Variants in HSPA1L observed in about 807,000 individuals in gnomAD.
HSPA1L encodes the protein heat shock 70 kDa protein 1-like.
In HSPA1L, 21 loss-of-function variants were observed where a neutral mutation model predicts 31.5. The observed-to-expected ratio is 0.67, with a 90% CI of 0.47 to 0.96. HSPA1L has a LOEUF of 0.96. Ranked by LOEUF, HSPA1L falls within the 40% of genes least tolerant of loss-of-function variation. HSPA1L has a pLI of 0.00. For synonymous variants in HSPA1L, 293 were observed against 323.1 expected, an observed-to-expected ratio of 0.91 and a Z score of 1.00; for missense variants, 709 against 813.4, an observed-to-expected ratio of 0.87 and a Z score of 1.56.
rs1238711860 is a variant in HSPA1L at position 31,811,700 on chromosome 6, A to C, written c.273T>G (p.Leu91=). The change falls in exon 2 of 2, where the codon CTT becomes CTG. Residue 91 remains leucine, a synonymous_variant. Coordinates refer to ENST00000375654, the MANE Select transcript of HSPA1L (RefSeq NM_005527.4). ...CTTCATTAATCACTTGAAAAGGCCA[A>C]AGTTTCATATCTGCTTGTACAACAG... The part of the protein sequence containing the change: ...NDPVVQADMK[L]WPFQVINEGG... 4 of 1,614,000 alleles carry C rather than the reference A, an allele frequency of 2.5e-6. No homozygotes were observed. Among genetic ancestry groups the C allele is most frequent in the African/African-American group, 2.7e-5 (2 of 74,902 alleles).
Position 31,810,188 on chromosome 6 carries a change from A to C in HSPA1L, c.1785T>G (p.Asp595Glu). Residue 595 changes from aspartate (D) to glutamate (E), a missense_variant, in exon 2 of 2, where the codon GAT (aspartate) becomes GAG (glutamate). Asp to Glu is a conservative substitution (Grantham distance 45, BLOSUM62 2). Coordinates refer to ENST00000375654, the MANE Select transcript of HSPA1L (RefSeq NM_005527.4). ...VNQLAEKDEF[D>E]HKRKELEQMC... ...TCTGCTCCAATTCCTTTCTCTTATG[A>C]TCAAACTCATCTTTCTCTGCCAGTT... The C allele has an allele frequency of 6.5e-7, 1 of 1,528,668 alleles. No individual in the cohort carries two copies. Among genetic ancestry groups the C allele is most frequent in the Non-Finnish European group, 8.7e-7 (1 of 1,143,124 alleles). The allele number at this position is 1,528,668 out of a possible 1,614,324, so 94.7% of individuals were successfully genotyped here. A position where few individuals can be genotyped will look rare whatever the true frequency, so the allele number is the denominator to read the frequency against.
rs954988153 is a variant in HSPA1L at position 31,809,789 on chromosome 6, A to G, written c.*258T>C. ...AATAAGCATCCACACAGGAAGAAGA[A>G]TGTTAGGGTGGCTGGAAATAACAGA... On this transcript the variant is annotated 3_prime_UTR_variant, in exon 2 of 2. Coordinates refer to ENST00000375654, the MANE Select transcript of HSPA1L (RefSeq NM_005527.4). The G allele has an allele frequency of 5.2e-6, 2 of 386,938 alleles. No individual in the cohort carries two copies. The highest frequency in any genetic ancestry group is 2.1e-5 in the African/African-American group (1 of 48,474). The allele number at this position is 386,938 out of a possible 1,614,324, so 24.0% of individuals were successfully genotyped here.
chr6:31,811,567 A>G lies in HSPA1L; in HGVS notation c.406T>C (p.Phe136Leu). ...GCATTGGTGACAGGGTGGCCCAAAAAGGCCTCAGCAGTCTCCTTCAACTTA... is the reference window on the plus strand; with the variant it reads ...GCATTGGTGACAGGGTGGCCCAAAAGGGCCTCAGCAGTCTCCTTCAACTTA... Reference protein sequence around the residue: ...LTKLKETAEAFLGHPVTNAVI... With the variant: ...LTKLKETAEALLGHPVTNAVI... Residue 136 changes from phenylalanine (F) to leucine (L), a missense_variant, in exon 2 of 2, where the codon TTT becomes CTT. Phe to Leu is a conservative substitution (Grantham distance 22). Coordinates refer to ENST00000375654, the MANE Select transcript of HSPA1L (RefSeq NM_005527.4). 1 of 1,614,176 alleles carries G rather than the reference A, an allele frequency of 6.2e-7. No individual in the cohort carries two copies. The highest frequency in any genetic ancestry group is 8.5e-7 in the Non-Finnish European group (1 of 1,180,016).
intron 1 of HSPA1L, among the ~76,000 whole-genome samples, chr6:31,812,411 G>C (rs576246338): frequency 6.6e-6 from 1 of 152,094 alleles, no homozygotes; most frequent in African/African-American, 2.4e-5. Flanking sequence ...GACCTCAGGT[G>C]ATCCGCCCGC....
Position 31,814,954 on chromosome 6 carries a change from G to C in HSPA1L, c.-79C>G. 1 of 985,574 alleles carries C rather than the reference G, an allele frequency of 1.0e-6. No homozygotes were observed. Among genetic ancestry groups the C allele is most frequent in the Non-Finnish European group, 1.2e-6 (1 of 830,126 alleles). The allele number at this position is 985,574 out of a possible 1,614,324, so 61.1% of individuals were successfully genotyped here. ...GATTACGCAGCCCCAGCGAGTAGGT[G>C]GGGGCTCCCTCAATATCAAACTGCA... On this transcript the variant is annotated 5_prime_UTR_variant, in exon 1 of 2. Transcript: ENST00000375654.
At position 31,810,192 on chromosome 6, in the gene HSPA1L, A is replaced by G. The variant is rs1338315015; in HGVS notation, c.1781T>C (p.Phe594Ser). The change falls in exon 2 of 2, where the codon TTT (phenylalanine) becomes TCT (serine). Residue 594 changes from phenylalanine to serine, a missense_variant. Phe to Ser is a radical substitution (Grantham distance 155). Coordinates refer to ENST00000375654, the MANE Select transcript of HSPA1L (RefSeq NM_005527.4). ...CTCCAATTCCTTTCTCTTATGATCAAACTCATCTTTCTCTGCCAGTTGATT... is the reference window on the plus strand; with the variant it reads ...CTCCAATTCCTTTCTCTTATGATCAGACTCATCTTTCTCTGCCAGTTGATT... ...EVNQLAEKDEFDHKRKELEQM... is the reference protein window; with the variant it reads ...EVNQLAEKDESDHKRKELEQM... 3.9e-6 allele frequency: 6 copies of G among 1,528,428 alleles called. No homozygotes were observed. In the South Asian group the frequency reaches 5.3e-5, roughly 14 times the overall value. 94.7% of individuals were successfully genotyped at this position (1,528,428 alleles called of 1,614,324 possible).
chr6:31,810,550 G>A lies in HSPA1L; in HGVS notation c.1423C>T (p.Gln475Ter). ...TCAATGTCAAACGTCACCTCGATCTGAGGAACTCCCCTGGGTGCTGGAGGG... is the reference window on the plus strand; with the variant it reads ...TCAATGTCAAACGTCACCTCGATCTAAGGAACTCCCCTGGGTGCTGGAGGG... Reference protein sequence around the residue: ...GIPPAPRGVPQIEVTFDIDAN... With the variant: ...GIPPAPRGVP Residue 475 changes from glutamine to a stop codon, truncating the protein, a stop_gained, in exon 2 of 2, where the codon CAG becomes TAG. Transcript: ENST00000375654. LOFTEE classifies it high-confidence loss of function. The A allele has an allele frequency of 6.2e-7, 1 of 1,613,418 alleles. No homozygotes were observed. The highest frequency in any genetic ancestry group is 1.7e-5 in the Admixed American group (1 of 59,998).
Position 31,811,548 on chromosome 6 carries a change from G to A in HSPA1L, c.425C>T (p.Thr142Ile), listed in dbSNP as rs1815420090. The A allele has an allele frequency of 6.2e-7, 1 of 1,614,040 alleles. No individual in the cohort carries two copies. Among genetic ancestry groups the A allele is most frequent in the South Asian group, 1.1e-5 (1 of 91,092 alleles). Reference sequence around the variant, plus strand: ...GGCTGGCACGGTAATCACTGCATTGGTGACAGGGTGGCCCAAAAAGGCCTC... The same window carrying A: ...GGCTGGCACGGTAATCACTGCATTGATGACAGGGTGGCCCAAAAAGGCCTC... ...TAEAFLGHPV[T>I]NAVITVPAYF... is the part of the protein sequence containing the mutation. Residue 142 changes from threonine to isoleucine, a missense_variant, in exon 2 of 2, where the codon ACC (threonine) becomes ATC (isoleucine). By Grantham distance (89) the Thr-to-Ile change is moderately conservative. Coordinates refer to ENST00000375654, the MANE Select transcript of HSPA1L (RefSeq NM_005527.4).
intron 1 of HSPA1L, among the ~76,000 whole-genome samples, chr6:31,814,508 CAAA>C (rs11414738): frequency 8.7e-6 from 1 of 115,454 alleles, no homozygotes; most frequent in African/African-American, 3.0e-5. Flanking sequence ...GACTCCGTCT[CAAA>C]AAAAAAAAAA....
At position 31,811,240 on chromosome 6, in the gene HSPA1L, C is replaced by T. The variant is rs781631922; in HGVS notation, c.733G>A (p.Glu245Lys). The change falls in exon 2 of 2, where the codon GAG (glutamate) becomes AAG (lysine). Residue 245 changes from glutamate to lysine, a missense_variant. Glu to Lys is a moderately conservative substitution (Grantham distance 56). Coordinates refer to ENST00000375654, the MANE Select transcript of HSPA1L (RefSeq NM_005527.4). ...FDNRLVSHFV[E>K]EFKRKHKKDI... ...TTTTTGTGTTTCCTCTTGAACTCCT[C>T]CACGAAGTGGCTCACAAGCCTGTTG... The T allele has an allele frequency of 1.2e-6, 2 of 1,614,146 alleles. No homozygotes were observed. The highest frequency in any genetic ancestry group is 1.7e-6 in the Non-Finnish European group (2 of 1,180,052).
chr6:31,810,624 G>A lies in HSPA1L; in HGVS notation c.1349C>T (p.Ala450Val). 3 of 1,614,086 alleles carry A rather than the reference G, an allele frequency of 1.9e-6. No individual in the cohort carries two copies. Among genetic ancestry groups the A allele is most frequent in the Non-Finnish European group, 2.5e-6 (3 of 1,180,020 alleles). Residue 450 changes from alanine to valine, a missense_variant, in exon 2 of 2, where the codon GCC becomes GTC. Ala to Val is a moderately conservative substitution (Grantham distance 64, BLOSUM62 0). Coordinates refer to ENST00000375654, the MANE Select transcript of HSPA1L (RefSeq NM_005527.4). The stretch of plus-strand genomic sequence containing the variant: ...CAGCAGGTTGTTGTCCTTTGTCATG[G>A]CCCTCTCGCCCTCATACACCTGGAT... ...VLIQVYEGER[A>V]MTKDNNLLGR...
intron 1 of HSPA1L, among the ~76,000 whole-genome samples, chr6:31,813,883 G>A (rs1353534947): frequency 1.3e-5 from 2 of 152,122 alleles, no homozygotes; most frequent in East Asian, 3.8e-4. Context: ...CAAGAGTAGT[G>A]TACATTCTGG....
In HSPA1L at chr6:31,811,620, G is replaced by C; in HGVS notation, c.353C>G (p.Pro118Arg). ...CAATACCATCGAAGAGATTTCCTCA[G>C]GGTAGAAAGCTTTATTCTCCCCTTT... ...SYKGENKAFY[P>R]EEISSMVLTK... Residue 118 changes from proline (P) to arginine (R), a missense_variant, in exon 2 of 2, where the codon CCT becomes CGT. Physicochemically the swap from Pro to Arg is moderately radical, Grantham distance 103. Transcript: ENST00000375654. The C allele has an allele frequency of 6.2e-7, 1 of 1,614,132 alleles. No homozygotes were observed. Among genetic ancestry groups the C allele is most frequent in the Non-Finnish European group, 8.5e-7 (1 of 1,180,018 alleles).
Position 31,810,775 on chromosome 6 carries a change from G to C in HSPA1L, c.1198C>G (p.Pro400Ala). Residue 400 changes from proline to alanine, a missense_variant, in exon 2 of 2, where the codon CCC (proline) becomes GCC (alanine). Coordinates refer to ENST00000375654, the MANE Select transcript of HSPA1L (RefSeq NM_005527.4). Reference protein sequence around the residue: ...VQDLLLLDVAPLSLGLETAGG... With the variant: ...VQDLLLLDVAALSLGLETAGG... ...GCCGTCTCCAGCCCCAGGGACAGGG[G>C]AGCCACGTCCAGCAGCAGCAGGTCC... 1 of 1,614,134 alleles carries C rather than the reference G, an allele frequency of 6.2e-7. No homozygotes were observed. The highest frequency in any genetic ancestry group is 8.5e-7 in the Non-Finnish European group (1 of 1,180,016).
chr6:31,809,825 C>T lies in HSPA1L; in HGVS notation c.*222G>A, dbSNP rs114406544. On this transcript the variant is annotated 3_prime_UTR_variant, in exon 2 of 2. Coordinates refer to ENST00000375654, the MANE Select transcript of HSPA1L (RefSeq NM_005527.4). ...GCTGGAAATAACAGACATTCAAATACATCACACGGTTTAAAGAGGGGCCTA... is the reference window on the plus strand; with the variant it reads ...GCTGGAAATAACAGACATTCAAATATATCACACGGTTTAAAGAGGGGCCTA... 839 of 400,308 alleles carry T rather than the reference C, an allele frequency of 2.1e-3. 6 individuals carry two copies. Among genetic ancestry groups the T allele is most frequent in the African/African-American group, 0.016 (763 of 48,758 alleles). 24.8% of individuals were successfully genotyped at this position (400,308 alleles called of 1,614,324 possible).
rs1429370855 is a variant in HSPA1L at position 31,810,925 on chromosome 6, G to T, written c.1048C>A (p.Arg350=). Residue 350 remains arginine (R), a synonymous_variant, in exon 2 of 2, where the codon CGG becomes AGG. Transcript: ENST00000375654. Reference sequence around the variant, plus strand: ...CCATTGAAGTAGTCCTGAAGCAGCCGCTGCACCTTGGGGATGCGGGTGGAG... The same window carrying T: ...CCATTGAAGTAGTCCTGAAGCAGCCTCTGCACCTTGGGGATGCGGGTGGAG... ...GGSTRIPKVQ[R]LLQDYFNGRD... is the part of the protein sequence containing the mutation. 1 of 1,614,108 alleles carries T rather than the reference G, an allele frequency of 6.2e-7. No homozygotes were observed. The highest frequency in any genetic ancestry group is 1.1e-5 in the South Asian group (1 of 91,076).
chr6:31,811,653 A>C lies in HSPA1L; in HGVS notation c.320T>G (p.Val107Gly), dbSNP rs985952759. The part of the protein sequence containing the change: ...INEGGKPKVL[V>G]SYKGENKAFY... Reference sequence around the variant, plus strand: ...AGCTTTATTCTCCCCTTTGTAGGACACAAGGACTTTGGGCTTGCCTCCTTC... The same window carrying C: ...AGCTTTATTCTCCCCTTTGTAGGACCCAAGGACTTTGGGCTTGCCTCCTTC... Residue 107 changes from valine to glycine, a missense_variant, in exon 2 of 2, where the codon GTG (valine) becomes GGG (glycine). By Grantham distance (109) the Val-to-Gly change is moderately radical (BLOSUM62 -3). Coordinates refer to ENST00000375654, the MANE Select transcript of HSPA1L (RefSeq NM_005527.4). The C allele has an allele frequency of 3.7e-6, 6 of 1,614,118 alleles. No homozygotes were observed. The highest frequency in any genetic ancestry group is 5.1e-6 in the Non-Finnish European group (6 of 1,180,052).
In HSPA1L at chr6:31,814,912, C is replaced by T. The variant is rs1815772668; in HGVS notation, c.-37G>A. ...ACCTAGTCTCCCGACGCCTTCGCTT[C>T]AGTTTGGAAACGTCCAGATTACGCA... is the stretch of plus-strand genomic sequence containing the variant. On this transcript the variant is annotated 5_prime_UTR_variant, in exon 1 of 2. Transcript: ENST00000375654. The T allele has an allele frequency of 4.1e-6, 4 of 985,674 alleles. No homozygotes were observed. The highest frequency in any genetic ancestry group is 4.7e-5 in the South Asian group (1 of 21,304). The allele number at this position is 985,674 out of a possible 1,614,324, so 61.1% of individuals were successfully genotyped here.
chr6:31,810,393 T>C lies in HSPA1L; in HGVS notation c.1580A>G (p.Tyr527Cys), dbSNP rs1305206605. ...CCTCTGGACCTCATCTTCAGCTTTA[T>C]ATTTCTCAGCATCCAGAACCATGCG... ...IERMVLDAEK[Y>C]KAEDEVQREK... Residue 527 changes from tyrosine to cysteine, a missense_variant, in exon 2 of 2, where the codon TAT becomes TGT. By Grantham distance (194) the Tyr-to-Cys change is radical. Coordinates refer to ENST00000375654, the MANE Select transcript of HSPA1L (RefSeq NM_005527.4). 1.9e-6 allele frequency: 3 copies of C among 1,612,518 alleles called. No homozygotes were observed. The highest frequency in any genetic ancestry group is 1.7e-5 in the Admixed American group (1 of 59,668).
Sources: gnomAD v4.1 joint callset for allele counts (sites outside exome capture counted in the v4.1 genomes callset) on GRCh38, gnomAD v4.1.1 for gene constraint, MANE v1.5 for transcripts, NCBI Gene and HGNC (gene_info 2026-07-23, HGNC 2026-07-21) for gene names.